The following IQCM variants were observed in gnomAD, a reference collection of about 807,000 sequenced individuals.
IQCM encodes the protein IQ domain-containing protein M.
A neutral mutation model predicts 57.6 loss-of-function variants in IQCM; 45 were observed. That is an observed-to-expected ratio of 0.78 (90% CI 0.62 to 1.00). The LOEUF (loss-of-function observed/expected upper bound fraction) is 1.00. Among genes scored for constraint, IQCM ranks in the 50% least tolerant of loss-of-function variants. The pLI is 0.00. For synonymous variants in IQCM, 148 were observed against 158.9 expected (o/e 0.93, Z 0.51); for missense variants, 468 against 511.6 (o/e 0.91, Z 0.82).
chr4:149,636,934 G>A (rs925072412), intron 7 of IQCM, among the ~76,000 whole-genome samples: 4 of 151,536 alleles, frequency 2.6e-5, no homozygotes, highest in African/African-American at 9.7e-5. Context: ...ATGAGGTCAG[G>A]AGATCGAGAC....
At chr4:149,733,842 T>C (rs1766689675) in intron 4 of IQCM, among the ~76,000 whole-genome samples, 1 of 152,172 alleles carries the variant, frequency 6.6e-6, no homozygotes, top group Non-Finnish European at 1.5e-5. Flanking sequence ...AAATAGGAGT[T>C]TTTCAAATAG....
chr4:149,798,273 GT>G (rs1773296756), intron 2 of IQCM, among the ~76,000 whole-genome samples: 1 of 151,788 alleles, frequency 6.6e-6, no homozygotes, highest in Admixed American at 6.6e-5. Context: ...TTGTTATCAG[GT>G]TTAAATAATG....
At chr4:149,496,477 G>A (rs943649481) in intron 12 of IQCM, among the ~76,000 whole-genome samples, 5 of 152,098 alleles carry the variant, frequency 3.3e-5, no homozygotes, top group African/African-American at 7.2e-5. Context: ...GAGAGAGGCA[G>A]GAGAGTCAGA....
At chr4:149,356,677 A>G (rs1037134102) in intron 13 of IQCM, among the ~76,000 whole-genome samples, 7 of 152,082 alleles carry the variant, frequency 4.6e-5, no homozygotes, top group Admixed American at 2.0e-4. Context: ...GTCAGGTAGC[A>G]TGATGCCTCC....
At chr4:149,771,077 G>T (rs1475268351) in intron 2 of IQCM, among the ~76,000 whole-genome samples, 1 of 151,886 alleles carries the variant, frequency 6.6e-6, no homozygotes, top group Admixed American at 6.6e-5. Context: ...AATAGTAAAA[G>T]AAATCTACAA....
chr4:149,637,469 T>C (rs993018829), intron 7 of IQCM, among the ~76,000 whole-genome samples: 7 of 152,214 alleles, frequency 4.6e-5, no homozygotes, highest in African/African-American at 7.2e-5. Context: ...AATTCATATA[T>C]AGATTCAAAG....
chr4:149,551,510 G>A (rs1237406865), intron 11 of IQCM, among the ~76,000 whole-genome samples: 1 of 152,152 alleles, frequency 6.6e-6, no homozygotes, highest in Non-Finnish European at 1.5e-5. Context: ...TTAAGTGATA[G>A]TTTGGGGTAT....
intron 12 of IQCM, among the ~76,000 whole-genome samples, chr4:149,477,388 G>C (rs891504756): frequency 1.3e-5 from 2 of 152,128 alleles, no homozygotes; most frequent in African/African-American, 4.8e-5. Context: ...CAAGGGTAAG[G>C]GAGCCTGTAA....
At chr4:149,667,282 C>T (rs905489681) in intron 7 of IQCM, among the ~76,000 whole-genome samples, 3 of 152,106 alleles carry the variant, frequency 2.0e-5, no homozygotes, top group African/African-American at 7.2e-5. Context: ...GATACCCAGG[C>T]AAACAGGGCC....
At chr4:149,625,840 T>C (rs1756748202) in intron 7 of IQCM, among the ~76,000 whole-genome samples, 1 of 152,166 alleles carries the variant, frequency 6.6e-6, no homozygotes, top group Non-Finnish European at 1.5e-5. Flanking sequence ...CACCACATTT[T>C]TGGGGTATCG....
At chr4:149,370,884 T>C (rs1206653318) in intron 13 of IQCM, among the ~76,000 whole-genome samples, 2 of 102,724 alleles carry the variant, frequency 1.9e-5, no homozygotes, top group Non-Finnish European at 4.5e-5. Flanking sequence ...ATTTTGTTAA[T>C]TCTTTATAGA....
intron 8 of IQCM, among the ~76,000 whole-genome samples, chr4:149,614,448 C>A (rs1050050651): frequency 6.6e-6 from 1 of 152,176 alleles, no homozygotes; most frequent in Non-Finnish European, 1.5e-5. Context: ...TTTTGCCACA[C>A]TGAATTTCTT....
chr4:149,563,919 C>T, intron 9 of IQCM, 29 bp from the exon 10 acceptor site: 4 of 1,072,884 alleles, frequency 3.7e-6, no homozygotes, highest in African/African-American at 1.6e-5. Flanking sequence ...TCTTATTATA[C>T]ATAATATGAA....
At chr4:149,410,959 T>C (rs1252852762) in intron 13 of IQCM, among the ~76,000 whole-genome samples, 1 of 152,174 alleles carries the variant, frequency 6.6e-6, no homozygotes, top group Non-Finnish European at 1.5e-5. Context: ...TTTCTGTTGC[T>C]GTTTTAAATT....
intron 12 of IQCM, among the ~76,000 whole-genome samples, chr4:149,442,818 C>T (rs1263721652): frequency 1.3e-5 from 2 of 151,874 alleles, no homozygotes; most frequent in Non-Finnish European, 1.5e-5. Context: ...CTGTAAGGCT[C>T]CTCAATATCG....
intron 12 of IQCM, among the ~76,000 whole-genome samples, chr4:149,531,612 G>T (rs953309104): frequency 1.3e-5 from 2 of 151,972 alleles, no homozygotes; most frequent in Non-Finnish European, 1.5e-5. Context: ...TTATAGTCTA[G>T]TATGTAAAAG....
intron 2 of IQCM, among the ~76,000 whole-genome samples, chr4:149,792,368 G>T (rs1772709041): frequency 6.6e-6 from 1 of 151,616 alleles, no homozygotes; most frequent in Non-Finnish European, 1.5e-5. Flanking sequence ...AACCAGCCTG[G>T]GCAACATAGT....
chr4:149,696,367 T>C (rs1662319425), intron 5 of IQCM, among the ~76,000 whole-genome samples: 1 of 152,178 alleles, frequency 6.6e-6, no homozygotes, highest in South Asian at 2.1e-4. Flanking sequence ...TGTCAATCTC[T>C]TTTGCTGACT....
At chr4:149,631,245 C>T (rs1757240027) in intron 7 of IQCM, among the ~76,000 whole-genome samples, 1 of 152,130 alleles carries the variant, frequency 6.6e-6, no homozygotes, top group African/African-American at 2.4e-5. Context: ...GACTCTTGCT[C>T]CCGGTTTCCT....
Sources: allele counts gnomAD v4.1 joint callset (sites outside exome capture counted in the v4.1 genomes callset), GRCh38; gene constraint gnomAD v4.1.1; transcripts MANE v1.5; gene names NCBI Gene and HGNC (gene_info 2026-07-23, HGNC 2026-07-21).